The following FAM111A variants were observed in gnomAD, a reference collection of about 807,000 sequenced individuals.
The protein encoded by FAM111A is FAM111 trypsin like peptidase A, also known as serine protease FAM111A.
FAM111A carries 8 observed loss-of-function variants against 3.3 expected under a neutral mutation model. The ratio of observed to expected loss-of-function variants is 2.39; its 90% confidence interval spans 1.40 to 4.32. The LOEUF (loss-of-function observed/expected upper bound fraction) is 4.32. Among genes scored for constraint, FAM111A ranks in the 30% most tolerant of loss-of-function variants. The pLI, the probability that FAM111A is intolerant of heterozygous loss-of-function variation, is 0.00. For missense variants in FAM111A, 683 were observed against 727.6 expected, an observed-to-expected ratio of 0.94 and a Z score of 0.71; for synonymous variants, 227 against 243.1, an observed-to-expected ratio of 0.93 and a Z score of 0.62.
intron 5 of FAM111A, among the ~76,000 whole-genome samples, chr11:59,151,185 T>C (rs552528976): frequency 2.6e-4 from 39 of 152,260 alleles, no homozygotes; most frequent in Non-Finnish European, 5.4e-4. Flanking sequence ...AGTTTCACTC[T>C]TGTTGCCCAG....
chr11:59,154,206 G>T lies in FAM111A; in HGVS notation c.*702G>T, dbSNP rs1862065367. The T allele has an allele frequency of 6.6e-6, 1 of 152,160 alleles. No individual in the cohort carries two copies. The highest frequency in any genetic ancestry group is 1.5e-5 in the Non-Finnish European group (1 of 68,040). 9.4% of individuals were successfully genotyped at this position (152,160 alleles called of 1,614,324 possible). On this transcript the variant is annotated 3_prime_UTR_variant, in exon 6 of 6. Transcript: ENST00000675163. Reference sequence around the variant, plus strand: ...CCTACATCTGACATAAGGAAAGTAAGTGCTCAGAAAAATGTGCAGGTCAAT... The same window carrying T: ...CCTACATCTGACATAAGGAAAGTAATTGCTCAGAAAAATGTGCAGGTCAAT...
In FAM111A at chr11:59,151,901, T is replaced by C. The variant is rs1271446535; in HGVS notation, c.233T>C (p.Ile78Thr). ...EDQTMPQNRT[I>T]YVTLKVNHRR... The stretch of plus-strand genomic sequence containing the variant: ...CAGACCATGCCCCAAAATAGGACAA[T>C]ATATGTTACCTTGAAGGTAAACCAC... Residue 78 changes from isoleucine to threonine, a missense_variant, in exon 6 of 6, where the codon ATA becomes ACA. By Grantham distance (89) the Ile-to-Thr change is moderately conservative (BLOSUM62 -1). Around this residue, in one of 3 missense-constraint regions of FAM111A, gnomAD observed 557 missense variants for 600.2 expected, o/e 0.93. Transcript: ENST00000675163. 1.2e-6 allele frequency: 2 copies of C among 1,613,988 alleles called. No homozygotes were observed. Among genetic ancestry groups the C allele is most frequent in the Non-Finnish European group, 1.7e-6 (2 of 1,180,030 alleles).
Position 59,153,703 on chromosome 11 carries a change from AT to A in FAM111A, c.*215del, listed in dbSNP as rs878948228. ...ATGAGATGGACTATAACTTGCCCAA[AT>A]TTTTTTTTTTTTTTTGAGACTGAGT... On this transcript the variant is annotated 3_prime_UTR_variant, in exon 6 of 6. Transcript: ENST00000675163. 0.12 allele frequency: 38,638 copies of A among 320,004 alleles called. 1 individual carries two copies. Among genetic ancestry groups the A allele is most frequent in the South Asian group, 0.18 (3,806 of 20,864 alleles). The allele number at this position is 320,004 out of a possible 1,614,324, so 19.8% of individuals were successfully genotyped here.
rs772344178 is a variant in FAM111A at position 59,151,997 on chromosome 11, C to T, written c.329C>T (p.Thr110Ile). 1 of 1,614,200 alleles carries T rather than the reference C, an allele frequency of 6.2e-7. No homozygotes were observed. The highest frequency in any genetic ancestry group is 1.1e-5 in the South Asian group (1 of 91,082). Residue 110 changes from threonine to isoleucine, a missense_variant, in exon 6 of 6, where the codon ACT (threonine) becomes ATT (isoleucine). Transcript: ENST00000675163. Reference sequence around the variant, plus strand: ...AGTAGCTTATATATGGCTCTCAACACTCTCCAGGCTGTCAGAAAAGAGATA... The same window carrying T: ...AGTAGCTTATATATGGCTCTCAACATTCTCCAGGCTGTCAGAAAAGAGATA... ...ENSSLYMALNTLQAVRKEIET... is the reference protein window; with the variant it reads ...ENSSLYMALNILQAVRKEIET...
intron 5 of FAM111A, among the ~76,000 whole-genome samples, chr11:59,150,689 A>T (rs1455562969): frequency 6.6e-6 from 1 of 152,236 alleles, no homozygotes; most frequent in Non-Finnish European, 1.5e-5. Flanking sequence ...GAATGTATAC[A>T]CTAGTCCAGT....
chr11:59,151,876 C>T lies in FAM111A; in HGVS notation c.208C>T (p.Gln70Ter). 2 of 1,614,140 alleles carry T rather than the reference C, an allele frequency of 1.2e-6. No homozygotes were observed. The highest frequency in any genetic ancestry group is 1.7e-6 in the Non-Finnish European group (2 of 1,180,018). ...FHSPKKNPED[Q>*]TMPQNRTIYV... ...TTCACCTAAGAAAAATCCAGAAGAC[C>T]AGACCATGCCCCAAAATAGGACAAT... Residue 70 changes from glutamine to a stop codon, truncating the protein, a stop_gained, in exon 6 of 6, where the codon CAG becomes TAG. Coordinates refer to ENST00000675163, the MANE Select transcript of FAM111A (RefSeq NM_001312909.2). LOFTEE classifies it low-confidence loss of function (END_TRUNC).
intron 5 of FAM111A, among the ~76,000 whole-genome samples, chr11:59,150,428 AT>A (rs1861501952): frequency 6.6e-6 from 1 of 152,198 alleles, no homozygotes; most frequent in African/African-American, 2.4e-5. Flanking sequence ...TATTCCTAGC[AT>A]TGTTATTCCC....
At chr11:59,149,996 G>A (rs1292184131) in intron 5 of FAM111A, among the ~76,000 whole-genome samples, 1 of 152,160 alleles carries the variant, frequency 6.6e-6, no homozygotes, top group Non-Finnish European at 1.5e-5. Flanking sequence ...TTCTCAACTT[G>A]TTTTGTTTTG....
At chr11:59,145,425 T>G (rs1168803647) in intron 3 of FAM111A, 2 of 152,258 alleles carry the variant, frequency 1.3e-5, no homozygotes, top group African/African-American at 4.8e-5. Context: ...TTTAGGTAAG[T>G]AGAACCTTGA....
At chr11:59,144,055 A>G (rs1313657772) in intron 3 of FAM111A, 1 of 152,226 alleles carries the variant, frequency 6.6e-6, no homozygotes, top group Non-Finnish European at 1.5e-5. Flanking sequence ...CAAAATCTCA[A>G]TACATATAGC....
chr11:59,149,720 A>G (rs1388128436), intron 5 of FAM111A, among the ~76,000 whole-genome samples: 2 of 152,216 alleles, frequency 1.3e-5, no homozygotes, highest in Non-Finnish European at 2.9e-5. Flanking sequence ...TGTTCTTACC[A>G]TAACCTTGTT....
rs546836824 is a variant in FAM111A, at chr11:59,153,249, T to C, written c.1581T>C (p.Pro527=). ...QRSFQKIVHN[P]DVITYDTEFF... is the part of the protein sequence containing the mutation. ...GTTTCCAGAAAATAGTTCACAACCC[T>C]GATGTGATTACCTATGACACTGAAT... Residue 527 remains proline (P), a synonymous_variant, in exon 6 of 6, where the codon CCT becomes CCC. Transcript: ENST00000675163. 1 of 1,614,178 alleles carries C rather than the reference T, an allele frequency of 6.2e-7. No homozygotes were observed. The highest frequency in any genetic ancestry group is 2.2e-5 in the East Asian group (1 of 44,882).
Position 59,154,097 on chromosome 11 carries a change from T to TC in FAM111A, c.*594dup, listed in dbSNP as rs1384414803. The TC allele has an allele frequency of 1.3e-5, 2 of 152,154 alleles. No individual in the cohort carries two copies. Among genetic ancestry groups the TC allele is most frequent in the Non-Finnish European group, 2.9e-5 (2 of 68,046 alleles). The allele number at this position is 152,154 out of a possible 1,614,324, so 9.4% of individuals were successfully genotyped here. On this transcript the variant is annotated 3_prime_UTR_variant, in exon 6 of 6. Coordinates refer to ENST00000675163, the MANE Select transcript of FAM111A (RefSeq NM_001312909.2). ...TTTCATGACACTAAAAGTCATATAG[T>TC]CATAGGGTTTTTTCATCTTTCATAT...
intron 3 of FAM111A, chr11:59,145,582 G>A (rs1373097648): frequency 6.6e-6 from 1 of 152,218 alleles, no homozygotes; most frequent in Non-Finnish European, 1.5e-5. Flanking sequence ...TTTCCACTGT[G>A]ATTGCTCAAG....
chr11:59,148,022 G>A (rs1402155786), intron 4 of FAM111A, among the ~76,000 whole-genome samples: 2 of 152,118 alleles, frequency 1.3e-5, no homozygotes, highest in Non-Finnish European at 2.9e-5. Context: ...CTTTTTCAAG[G>A]GCCTGACATG....
At position 59,148,813 on chromosome 11, in the gene FAM111A, A is replaced by G. The variant is rs1861274440; in HGVS notation, c.-60A>G. The stretch of plus-strand genomic sequence containing the variant: ...TAATGACAGCTTTGAAGATACTGCT[A>G]TAATTTGAAAATTTGAAATTAGTGT... On this transcript the variant is annotated 5_prime_UTR_variant, in exon 5 of 6. Coordinates refer to ENST00000675163, the MANE Select transcript of FAM111A (RefSeq NM_001312909.2). 1.6e-6 allele frequency: 2 copies of G among 1,220,818 alleles called. No individual in the cohort carries two copies. The highest frequency in any genetic ancestry group is 1.5e-5 in the African/African-American group (1 of 66,884). The allele number at this position is 1,220,818 out of a possible 1,614,324, so 75.6% of individuals were successfully genotyped here.
Position 59,148,924 on chromosome 11 carries a change from A to G in FAM111A, c.52A>G (p.Asn18Asp). ...GAAGCACTCAGTCAATGAAAAATGTAATATGAAAATCGAGCACTATTTTTC... is the reference window on the plus strand; with the variant it reads ...GAAGCACTCAGTCAATGAAAAATGTGATATGAAAATCGAGCACTATTTTTC... Reference protein sequence around the residue: ...SRKHSVNEKCNMKIEHYFSPV... With the variant: ...SRKHSVNEKCDMKIEHYFSPV... Residue 18 changes from asparagine to aspartate, a missense_variant, in exon 5 of 6, where the codon AAT becomes GAT. Transcript: ENST00000675163. 3 of 1,613,670 alleles carry G rather than the reference A, an allele frequency of 1.9e-6. No homozygotes were observed. Among genetic ancestry groups the G allele is most frequent in the Non-Finnish European group, 2.5e-6 (3 of 1,179,568 alleles).
rs1862115953 is a variant in FAM111A at position 59,154,815 on chromosome 11, T to C, written c.*1311T>C. 1 of 153,088 alleles carries C rather than the reference T, an allele frequency of 6.5e-6. No homozygotes were observed. Among genetic ancestry groups the C allele is most frequent in the Non-Finnish European group, 1.5e-5 (1 of 68,038 alleles). The allele number at this position is 153,088 out of a possible 1,614,324, so 9.5% of individuals were successfully genotyped here. A position where few individuals can be genotyped will look rare whatever the true frequency, so the allele number is the denominator to read the frequency against. On this transcript the variant is annotated 3_prime_UTR_variant, in exon 6 of 6. Coordinates refer to ENST00000675163, the MANE Select transcript of FAM111A (RefSeq NM_001312909.2). ...CCAAGATATTCTGCAGCAATGTCTTTAAACAGTGCCGGTAGTACAGATAAC... is the reference window on the plus strand; with the variant it reads ...CCAAGATATTCTGCAGCAATGTCTTCAAACAGTGCCGGTAGTACAGATAAC...
At chr11:59,148,081 G>A (rs118055324) in intron 4 of FAM111A, among the ~76,000 whole-genome samples, 5,716 of 152,268 alleles carry the variant, frequency 0.038, 137 homozygotes, top group Non-Finnish European at 0.053. Flanking sequence ...AGACATGGCT[G>A]CTGCCCTCAA....
Sources: allele counts gnomAD v4.1 joint callset (sites outside exome capture counted in the v4.1 genomes callset), GRCh38; gene constraint gnomAD v4.1.1; regional missense constraint gnomAD v4.1.1; transcripts MANE v1.5; gene names NCBI Gene and HGNC (gene_info 2026-07-23, HGNC 2026-07-21).